The following DTWD2 variants were observed in gnomAD, a reference collection of about 807,000 sequenced individuals.
DTWD2 encodes the protein DTW motif tRNA-uridine aminocarboxypropyltransferase 2, also known as tRNA-uridine aminocarboxypropyltransferase 2.
Under a neutral mutation model 31.8 loss-of-function variants are expected in DTWD2, and 39 were observed. The observed-to-expected ratio is 1.22, with a 90% CI of 0.95 to 1.60. DTWD2 has a LOEUF of 1.60. Ranked by LOEUF, DTWD2 falls within the 40% of genes most tolerant of loss-of-function variation. The pLI is 0.00. For synonymous variants in DTWD2, 180 were observed against 142.8 expected (o/e 1.26, Z -1.86); for missense variants, 515 against 381.5 (o/e 1.35, Z -2.92).
intron 1 of DTWD2, among the ~76,000 whole-genome samples, chr5:118,958,841 C>T (rs150296097): frequency 2.0e-4 from 30 of 152,220 alleles, no homozygotes; most frequent in African/African-American, 6.5e-4. Context: ...AAGAGAACAA[C>T]AAAAACCACA....
chr5:118,862,328 TA>T (rs1381796462), intron 4 of DTWD2, among the ~76,000 whole-genome samples: 4 of 152,148 alleles, frequency 2.6e-5, no homozygotes, highest in Non-Finnish European at 5.9e-5. Context: ...AAAGAACAGC[TA>T]GAAAGCTGGA....
At chr5:118,845,918 G>A (rs1379366511) in intron 5 of DTWD2, among the ~76,000 whole-genome samples, 1 of 152,062 alleles carries the variant, frequency 6.6e-6, no homozygotes, top group African/African-American at 2.4e-5. Flanking sequence ...TCAGCCTGTG[G>A]CTTTATGTCA....
At chr5:118,851,468 A>G (rs954037007) in intron 4 of DTWD2, among the ~76,000 whole-genome samples, 2 of 152,038 alleles carry the variant, frequency 1.3e-5, no homozygotes, top group African/African-American at 2.4e-5. Context: ...GGGTGTATGA[A>G]CAGGGAGTAG....
At chr5:118,960,048 T>G (rs1007224523) in intron 1 of DTWD2, among the ~76,000 whole-genome samples, 2 of 152,120 alleles carry the variant, frequency 1.3e-5, no homozygotes, top group Non-Finnish European at 2.9e-5. Flanking sequence ...GAATTTATGA[T>G]GAAGATGCTA....
At chr5:118,977,420 T>C (rs943995865) in intron 1 of DTWD2, among the ~76,000 whole-genome samples, 5 of 152,156 alleles carry the variant, frequency 3.3e-5, no homozygotes, top group Admixed American at 1.3e-4. Flanking sequence ...GATGACATGA[T>C]TGTATATTTA....
At chr5:118,946,933 G>C (rs1754351482) in intron 1 of DTWD2, among the ~76,000 whole-genome samples, 1 of 152,070 alleles carries the variant, frequency 6.6e-6, no homozygotes, top group Non-Finnish European at 1.5e-5. Context: ...GTAGAGAGAG[G>C]TTTTCACCAC....
intron 4 of DTWD2, among the ~76,000 whole-genome samples, chr5:118,875,110 A>G (rs797007656): frequency 3.1e-4 from 47 of 152,292 alleles, no homozygotes; most frequent in African/African-American, 1.0e-3. Flanking sequence ...CTACCAAACT[A>G]AGATTCATAC....
At chr5:118,972,120 T>C (rs1182345749) in intron 1 of DTWD2, among the ~76,000 whole-genome samples, 2 of 151,628 alleles carry the variant, frequency 1.3e-5, no homozygotes, top group Admixed American at 6.6e-5. Flanking sequence ...ATAACCAAGA[T>C]CAGAGCATAA....
chr5:118,838,574 G>C lies in DTWD2; in HGVS notation c.*2343C>G, dbSNP rs76166124. 5 of 152,176 alleles carry C rather than the reference G, an allele frequency of 3.3e-5. No homozygotes were observed. Among genetic ancestry groups the C allele is most frequent in the Middle Eastern group, 3.4e-3 (1 of 294 alleles). The allele number at this position is 152,176 out of a possible 1,614,324, so 9.4% of individuals were successfully genotyped here. Reference sequence around the variant, plus strand: ...ACTTACAACTGTTTAATGAGAACAGGTGACTAGAGAAGCATTTTATACCAC... The same window carrying C: ...ACTTACAACTGTTTAATGAGAACAGCTGACTAGAGAAGCATTTTATACCAC... On this transcript the variant is annotated 3_prime_UTR_variant, in exon 6 of 6. Transcript: ENST00000510708.
At chr5:118,965,609 G>T (rs148495205) in intron 1 of DTWD2, among the ~76,000 whole-genome samples, 2 of 152,168 alleles carry the variant, frequency 1.3e-5, no homozygotes, top group Non-Finnish European at 2.9e-5. Flanking sequence ...GATGCTGTTG[G>T]GGTATGGTGT....
chr5:118,986,585 T>C (rs2149606545), intron 1 of DTWD2, among the ~76,000 whole-genome samples: 1 of 152,294 alleles, frequency 6.6e-6, no homozygotes, highest in South Asian at 2.1e-4. Flanking sequence ...AAAACTATTT[T>C]AACCATAAAT....
intron 4 of DTWD2, among the ~76,000 whole-genome samples, chr5:118,872,248 T>G (rs148097616): frequency 6.6e-6 from 1 of 152,348 alleles, no homozygotes; most frequent in East Asian, 1.9e-4. Context: ...TATTTTCACT[T>G]TTTTATCATT....
intron 5 of DTWD2, among the ~76,000 whole-genome samples, chr5:118,841,333 G>C (rs942228436): frequency 6.6e-6 from 1 of 151,970 alleles, no homozygotes; most frequent in Non-Finnish European, 1.5e-5. Flanking sequence ...TTTCCACATA[G>C]GTAATAAAGT....
chr5:118,857,670 T>C (rs1752169793), intron 4 of DTWD2, among the ~76,000 whole-genome samples: 1 of 152,198 alleles, frequency 6.6e-6, no homozygotes, highest in Non-Finnish European at 1.5e-5. Flanking sequence ...CTGCTTTTCA[T>C]ATTGTGTTTA....
intron 3 of DTWD2, among the ~76,000 whole-genome samples, chr5:118,934,229 G>C (rs1020978587): frequency 1.7e-5 from 2 of 115,520 alleles, no homozygotes; most frequent in African/African-American, 6.4e-5. Context: ...TAGCCTAGGA[G>C]TTTAAGACTG....
intron 1 of DTWD2, among the ~76,000 whole-genome samples, chr5:118,972,946 G>A (rs140523760): frequency 2.6e-3 from 395 of 152,294 alleles, no homozygotes; most frequent in African/African-American, 9.1e-3. Flanking sequence ...AGGATAGTTA[G>A]CTCTTCTTGT....
At position 118,858,317 on chromosome 5, in the gene DTWD2, T is replaced by C. The variant is rs142066321; in HGVS notation, c.598-10099A>G. Among the ~76,000 whole-genome samples, 320 of 152,358 alleles carry C rather than the reference T, an allele frequency of 2.1e-3. 1 individual carries two copies. Among genetic ancestry groups the C allele is most frequent in the African/African-American group, 7.1e-3 (294 of 41,588 alleles). ...TAAGGGTTTCAGAAAAGAATATCTA[T>C]ATTCAGATAAGCTATATAATTTCAA... On this transcript the variant is annotated intron_variant, in intron 4 of 5. Coordinates refer to ENST00000510708, the MANE Select transcript of DTWD2 (RefSeq NM_173666.4).
At chr5:118,955,491 G>T (rs773383929) in intron 1 of DTWD2, among the ~76,000 whole-genome samples, 1 of 151,958 alleles carries the variant, frequency 6.6e-6, no homozygotes, top group East Asian at 1.9e-4. Context: ...AATTAATAAT[G>T]GATTGAATAA....
intron 1 of DTWD2, among the ~76,000 whole-genome samples, chr5:118,949,225 C>T (rs941878934): frequency 6.6e-6 from 1 of 151,744 alleles, no homozygotes; most frequent in Non-Finnish European, 1.5e-5. Flanking sequence ...TCATGAGAAA[C>T]GGCTTGACTG....
Sources: gnomAD v4.1 joint callset for allele counts (sites outside exome capture counted in the v4.1 genomes callset) on GRCh38, gnomAD v4.1.1 for gene constraint, MANE v1.5 for transcripts, NCBI Gene and HGNC (gene_info 2026-07-23, HGNC 2026-07-21) for gene names.